AOC2: variants seen among roughly 807,000 people sequenced by gnomAD.
The protein encoded by AOC2 is amine oxidase copper containing 2.
AOC2 carries 57 observed loss-of-function variants against 53.8 expected under a neutral mutation model. The ratio of observed to expected loss-of-function variants is 1.06; its 90% CI spans 0.86 to 1.32. The LOEUF (loss-of-function observed/expected upper bound fraction) is 1.32. Ranked by LOEUF, AOC2 falls within the 40% of genes most tolerant of loss-of-function variation. The pLI is 0.00. For synonymous variants in AOC2, 404 were observed against 399.0 expected (o/e 1.01, Z -0.15); for missense variants, 1,008 against 957.2 (o/e 1.05, Z -0.70).
chr17:42,849,681 CCA>C lies in AOC2; in HGVS notation c.1958_1959del (p.Thr653SerfsTer5), dbSNP rs1402447827. ...TATCACCAGAATGACATCTGGACACCCACAGTTACCTTTGCTGACTTCATCAA... is the reference window on the plus strand; with the variant it reads ...TATCACCAGAATGACATCTGGACACCCAGTTACCTTTGCTGACTTCATCAA... On this transcript the variant is annotated frameshift_variant, in exon 3 of 4. Coordinates refer to ENST00000253799, the MANE Select transcript of AOC2 (RefSeq NM_009590.4). LOFTEE classifies it high-confidence loss of function. 1.9e-6 allele frequency: 3 copies of C among 1,614,196 alleles called. No individual in the cohort carries two copies. Among genetic ancestry groups the C allele is most frequent in the African/African-American group, 2.7e-5 (2 of 75,054 alleles).
Position 42,849,967 on chromosome 17 carries a change from G to A in AOC2, c.2005-115G>A, listed in dbSNP as rs536175069. 1.1e-4 allele frequency: 162 copies of A among 1,431,122 alleles called. 1 individual carries two copies. The highest frequency in any genetic ancestry group is 1.5e-4 in the Non-Finnish European group (156 of 1,046,838). 88.7% of individuals were successfully genotyped at this position (1,431,122 alleles called of 1,614,324 possible). ...ATGGATTGCTCCACGTGTTGTATGGGCATGAGGCTGGGGAGAGTGGAAGCC... is the reference window on the plus strand; with the variant it reads ...ATGGATTGCTCCACGTGTTGTATGGACATGAGGCTGGGGAGAGTGGAAGCC... On this transcript the variant is annotated intron_variant, in intron 3 of 3. Transcript: ENST00000253799.
Position 42,845,031 on chromosome 17 carries a change from T to C in AOC2, c.405T>C (p.Ser135=). ...LFGGQPQPNV[S]ELVVGPLPHP... ...GTGGACAACCCCAACCCAATGTGAG[T>C]GAGCTGGTGGTGGGGCCGCTGCCTC... The change falls in exon 1 of 4, where the codon AGT becomes AGC. Residue 135 remains serine, a synonymous_variant. Coordinates refer to ENST00000253799, the MANE Select transcript of AOC2 (RefSeq NM_009590.4). 6.2e-7 allele frequency: 1 copy of C among 1,613,680 alleles called. No individual in the cohort carries two copies. The highest frequency in any genetic ancestry group is 8.5e-7 in the Non-Finnish European group (1 of 1,179,856).
chr17:42,844,595 T>G lies in AOC2; in HGVS notation c.-32T>G, dbSNP rs1185502812. 6.3e-7 allele frequency: 1 copy of G among 1,580,352 alleles called. No homozygotes were observed. The highest frequency in any genetic ancestry group is 8.6e-7 in the Non-Finnish European group (1 of 1,157,752). On this transcript the variant is annotated 5_prime_UTR_variant, in exon 1 of 4. Transcript: ENST00000253799. ...GTCAGTAACTGGAAGGAGCAGCTGT[T>G]AGAATTCTGATTTCAGCTCTCAGCA...
At position 42,845,025 on chromosome 17, in the gene AOC2, T is replaced by C. The variant is rs1486068715; in HGVS notation, c.399T>C (p.Asn133=). 3 of 1,613,774 alleles carry C rather than the reference T, an allele frequency of 1.9e-6. No individual in the cohort carries two copies. The highest frequency in any genetic ancestry group is 2.5e-6 in the Non-Finnish European group (3 of 1,179,950). ...TCTTTGGTGGACAACCCCAACCCAA[T>C]GTGAGTGAGCTGGTGGTGGGGCCGC... The part of the protein sequence containing the change: ...IVLFGGQPQP[N]VSELVVGPLP... Residue 133 remains asparagine (N), a synonymous_variant, in exon 1 of 4, where the codon AAT becomes AAC. Coordinates refer to ENST00000253799, the MANE Select transcript of AOC2 (RefSeq NM_009590.4).
chr17:42,850,476 A>C lies in AOC2; in HGVS notation c.*128A>C. 1.8e-6 allele frequency: 2 copies of C among 1,119,318 alleles called. No individual in the cohort carries two copies. Among genetic ancestry groups the C allele is most frequent in the South Asian group, 1.9e-5 (1 of 53,216 alleles). 69.3% of individuals were successfully genotyped at this position (1,119,318 alleles called of 1,614,324 possible). A position where few individuals can be genotyped will look rare whatever the true frequency, so the allele number is the denominator to read the frequency against. ...CCCCTCAATGTTCCTCTCACACGAA[A>C]CCCCCATCAGTCCCTTTGGTTAATT... On this transcript the variant is annotated 3_prime_UTR_variant, in exon 4 of 4. Coordinates refer to ENST00000253799, the MANE Select transcript of AOC2 (RefSeq NM_009590.4).
Position 42,849,097 on chromosome 17 carries a change from T to C in AOC2, c.1600T>C (p.Trp534Arg), listed in dbSNP as rs1313445493. The C allele has an allele frequency of 6.2e-7, 1 of 1,607,728 alleles. No homozygotes were observed. The highest frequency in any genetic ancestry group is 1.7e-5 in the Admixed American group (1 of 59,802). ...LDLDVAGLKN[W>R]VVAEDVVFKP... is the part of the protein sequence containing the mutation. ...CCTCCCCCTGGCAGGGCTGAAAAAC[T>C]GGGTGGTAGCTGAAGACGTGGTGTT... The change falls in exon 2 of 4, where the codon TGG becomes CGG. Residue 534 changes from tryptophan (W) to arginine (R), a missense_variant. Trp to Arg is a moderately radical substitution (Grantham distance 101). Coordinates refer to ENST00000253799, the MANE Select transcript of AOC2 (RefSeq NM_009590.4).
At chr17:42,846,804 A>G (rs1189865457) in intron 1 of AOC2, among the ~76,000 whole-genome samples, 2 of 152,208 alleles carry the variant, frequency 1.3e-5, no homozygotes, top group Non-Finnish European at 1.5e-5. Flanking sequence ...AAGTATGGAA[A>G]GAGATTTCTC....
intron 1 of AOC2, among the ~76,000 whole-genome samples, chr17:42,848,546 C>CAT (rs200422278): frequency 0.043 from 5,035 of 117,198 alleles, 113 homozygotes; most frequent in East Asian, 0.075. Flanking sequence ...TATATATATA[C>CAT]ATATATATAT....
rs139603521 is a variant in AOC2 at position 42,844,870 on chromosome 17, G to A, written c.244G>A (p.Ala82Thr). ...GCGGCTGGGGCCAGGGCTGGTGGACGCAGCCCAGGCTCAGCCCTCGGACAA... is the reference window on the plus strand; with the variant it reads ...GCGGCTGGGGCCAGGGCTGGTGGACACAGCCCAGGCTCAGCCCTCGGACAA... ...TQRLGPGLVD[A>T]AQAQPSDNCI... The change falls in exon 1 of 4, where the codon GCA becomes ACA. Residue 82 changes from alanine (A) to threonine (T), a missense_variant. By Grantham distance (58) the Ala-to-Thr change is moderately conservative (BLOSUM62 0). Coordinates refer to ENST00000253799, the MANE Select transcript of AOC2 (RefSeq NM_009590.4). 3,103 of 1,612,052 alleles carry A rather than the reference G, an allele frequency of 1.9e-3. 3 individuals are homozygous for A. The highest frequency in any genetic ancestry group is 2.5e-3 in the Non-Finnish European group (2,927 of 1,178,684).
rs2055643348 is a variant in AOC2, at chr17:42,850,313, C to A, written c.2236C>A (p.Pro746Thr). Residue 746 changes from proline to threonine, a missense_variant, in exon 4 of 4, where the codon CCG becomes ACG. Coordinates refer to ENST00000253799, the MANE Select transcript of AOC2 (RefSeq NM_009590.4). ...CCTCCCCGACCTGGCAGCCTGTGTC[C>A]CGGACTTACCCCCTTTCTCTTACCA... ...ACLPDLAACV[P>T]DLPPFSYHGF 1 of 1,608,834 alleles carries A rather than the reference C, an allele frequency of 6.2e-7. No homozygotes were observed. Among genetic ancestry groups the A allele is most frequent in the Non-Finnish European group, 8.5e-7 (1 of 1,175,694 alleles).
intron 1 of AOC2, among the ~76,000 whole-genome samples, chr17:42,847,357 GGCACCAGCTTCAGTGCAGT>G (rs1720161187): frequency 6.6e-6 from 1 of 152,342 alleles, no homozygotes; most frequent in African/African-American, 2.4e-5. Context: ...TGGCTGCAGA[GGCACCAGCTTCAGTGCAGT>G]GCCTCCCGTG....
At chr17:42,846,740 G>T (rs572849128) in intron 1 of AOC2, among the ~76,000 whole-genome samples, 1 of 152,328 alleles carries the variant, frequency 6.6e-6, no homozygotes, top group African/African-American at 2.4e-5. Context: ...CATCGGGAGG[G>T]CCATCCCATT....
chr17:42,849,568 TC>T lies in AOC2; in HGVS notation c.1875-30del. The T allele has an allele frequency of 1.9e-6, 3 of 1,614,142 alleles. No homozygotes were observed. In the South Asian group the frequency reaches 3.3e-5, roughly 18 times the overall value. ...TGGGCCAGTAAAGGCACTTGACATT[TC>T]CCAAAACCACCTTCTTATGATTCCT... On this transcript the variant is annotated intron_variant, in intron 2 of 3. Transcript: ENST00000253799.
rs2055649647 is a variant in AOC2, at chr17:42,850,675, G to A, written c.*327G>A. 4.6e-6 allele frequency: 1 copy of A among 217,074 alleles called. No homozygotes were observed. The highest frequency in any genetic ancestry group is 2.3e-5 in the African/African-American group (1 of 43,748). The allele number at this position is 217,074 out of a possible 1,614,324, so 13.4% of individuals were successfully genotyped here. A position where few individuals can be genotyped will look rare whatever the true frequency, so the allele number is the denominator to read the frequency against. On this transcript the variant is annotated 3_prime_UTR_variant, in exon 4 of 4. Coordinates refer to ENST00000253799, the MANE Select transcript of AOC2 (RefSeq NM_009590.4). ...GATAGAATTTTGTAAAACAGATGTT[G>A]TATGTAATTTATAATAAAAAGTATT...
At chr17:42,848,969 C>T in intron 1 of AOC2, 117 bp from the exon 2 acceptor site, 1 of 1,140,466 alleles carries the variant, frequency 8.8e-7, no homozygotes, top group East Asian at 2.6e-5. Flanking sequence ...ACAGTGTGCT[C>T]TGATGCTCTC....
chr17:42,849,245 T>TCTA lies in AOC2; in HGVS notation c.1750_1752dup (p.Tyr584dup), dbSNP rs2055624639. The stretch of plus-strand genomic sequence containing the variant: ...TTGGGAAGCCCCCTACCCCGCTACC[T>TCTA]CTACCTGGCTAGCAACCAGACTAAT... On this transcript the variant is annotated inframe_insertion, in exon 2 of 4. Coordinates refer to ENST00000253799, the MANE Select transcript of AOC2 (RefSeq NM_009590.4). 1 of 1,614,018 alleles carries TCTA rather than the reference T, an allele frequency of 6.2e-7. No homozygotes were observed. Among genetic ancestry groups the TCTA allele is most frequent in the Non-Finnish European group, 8.5e-7 (1 of 1,180,024 alleles).
At chr17:42,846,826 G>T (rs2144274521) in intron 1 of AOC2, among the ~76,000 whole-genome samples, 1 of 152,292 alleles carries the variant, frequency 6.6e-6, no homozygotes, top group African/African-American at 2.4e-5. Flanking sequence ...AGCACAAAGG[G>T]CTCAAAGCAC....
Position 42,846,146 on chromosome 17 carries a change from T to G in AOC2, c.1520T>G (p.Val507Gly). 6.4e-7 allele frequency: 1 copy of G among 1,559,598 alleles called. No homozygotes were observed. Among genetic ancestry groups the G allele is most frequent in the Non-Finnish European group, 8.7e-7 (1 of 1,152,582 alleles). The change falls in exon 1 of 4, where the codon GTG becomes GGG. Residue 507 changes from valine (V) to glycine (G), a missense_variant. Transcript: ENST00000253799. The part of the protein sequence containing the change: ...GEEGLLFGNR[V>G]GERVLGTVHT... ...GAGGGCCTCCTCTTTGGGAACCGTG[T>G]GGGGGAAAGAGTGCTGGGAACGGTG...
intron 3 of AOC2, 97 bp from the exon 4 acceptor site, chr17:42,849,984 GT>G: frequency 2.0e-6 from 3 of 1,508,666 alleles, no homozygotes; most frequent in Non-Finnish European, 2.7e-6. Context: ...GCTGGGGAGA[GT>G]GGAAGCCAGG....
Sources: allele counts gnomAD v4.1 joint callset (sites outside exome capture counted in the v4.1 genomes callset), GRCh38; gene constraint gnomAD v4.1.1; transcripts MANE v1.5; gene names NCBI Gene and HGNC (gene_info 2026-07-23, HGNC 2026-07-21).